The following AJAP1 variants were observed in gnomAD, a reference collection of about 807,000 sequenced individuals.
AJAP1 encodes adherens junction-associated protein 1.
AJAP1 carries 5 observed loss-of-function variants against 35.0 expected under a neutral mutation model. That is an observed-to-expected ratio of 0.14 (90% CI 0.07 to 0.30). The LOEUF (loss-of-function observed/expected upper bound fraction) is 0.30. Ranked by LOEUF, AJAP1 falls within the 10% of genes least tolerant of loss-of-function variation. The pLI is 1.00. For synonymous variants in AJAP1, 284 were observed against 249.3 expected, an observed-to-expected ratio of 1.14 and a Z score of -1.31; for missense variants, 586 against 571.0, an observed-to-expected ratio of 1.03 and a Z score of -0.27.
intron 2 of AJAP1, among the ~76,000 whole-genome samples, chr1:4,748,759 A>AGG (rs1557638402): frequency 1.3e-5 from 2 of 150,518 alleles, no homozygotes; most frequent in Non-Finnish European, 3.0e-5. Flanking sequence ...AAAAAAAAAA[A>AGG]AAAAAAAAAA....
At chr1:4,764,455 C>G (rs746913625) in intron 2 of AJAP1, among the ~76,000 whole-genome samples, 10 of 152,214 alleles carry the variant, frequency 6.6e-5, no homozygotes, top group Non-Finnish European at 1.5e-4. Context: ...CACCACTGGG[C>G]ACTGTGAGCT....
At chr1:4,726,313 A>G (rs1055083796) in intron 2 of AJAP1, among the ~76,000 whole-genome samples, 8 of 152,074 alleles carry the variant, frequency 5.3e-5, no homozygotes, top group African/African-American at 1.9e-4. Context: ...CTGGAAACTC[A>G]CAGTGGCCAG....
chr1:4,765,219 T>A (rs1301614289), intron 2 of AJAP1, among the ~76,000 whole-genome samples: 2 of 152,188 alleles, frequency 1.3e-5, no homozygotes, highest in East Asian at 3.9e-4. Context: ...AGTTTGAAGA[T>A]GTGATTCAGT....
chr1:4,658,270 A>G (rs1162267844), intron 1 of AJAP1, among the ~76,000 whole-genome samples: 1 of 152,034 alleles, frequency 6.6e-6, no homozygotes, highest in Non-Finnish European at 1.5e-5. Context: ...TCCCGCTCCA[A>G]GGTTCTGGGG....
At chr1:4,751,933 T>A (rs1570194849) in intron 2 of AJAP1, among the ~76,000 whole-genome samples, 1 of 151,928 alleles carries the variant, frequency 6.6e-6, no homozygotes, top group Admixed American at 6.5e-5. Context: ...GTGCACTGAG[T>A]CCCTGCCCAC....
Position 4,790,284 on chromosome 1 carries a change from A to C in AJAP1, c.*7799A>C, listed in dbSNP as rs1293834911. The C allele has an allele frequency of 6.6e-6, 1 of 152,206 alleles. No homozygotes were observed. Among genetic ancestry groups the C allele is most frequent in the Non-Finnish European group, 1.5e-5 (1 of 68,036 alleles). 9.4% of individuals were successfully genotyped at this position (152,206 alleles called of 1,614,324 possible). ...ATTCTCTATTATTTCTCTCACATAC[A>C]TGTGGATTTCTAATATCAAGTTATG... On this transcript the variant is annotated 3_prime_UTR_variant, in exon 6 of 6. Transcript: ENST00000378191.
rs969109058 is a variant in AJAP1, at chr1:4,661,190, A to G, written c.29+5736A>G. ...ACTGGGAGATACAATGGGCAGCTCT[A>G]TCAGATTTGTCTGTGAACTTCTGAG... On this transcript the variant is annotated intron_variant, in intron 1 of 5. Transcript: ENST00000378191. Among the ~76,000 whole-genome samples the G allele has an allele frequency of 3.9e-5, 6 of 152,216 alleles. No individual in the cohort carries two copies. The East Asian group carries it at 5.8e-4, about 15-fold the overall frequency.
At chr1:4,685,438 C>T (rs1460239216) in intron 1 of AJAP1, among the ~76,000 whole-genome samples, 1 of 152,234 alleles carries the variant, frequency 6.6e-6, no homozygotes, top group African/African-American at 2.4e-5. Context: ...ATGTCACTAC[C>T]TTCCTGAGGA....
At chr1:4,735,107 C>T (rs1640887766) in intron 2 of AJAP1, among the ~76,000 whole-genome samples, 1 of 152,234 alleles carries the variant, frequency 6.6e-6, no homozygotes, top group African/African-American at 2.4e-5. Context: ...GGCTTCTCTT[C>T]TACACCTGGG....
At chr1:4,740,643 G>A (rs995324498) in intron 2 of AJAP1, among the ~76,000 whole-genome samples, 3 of 151,586 alleles carry the variant, frequency 2.0e-5, no homozygotes, top group Admixed American at 1.3e-4. Context: ...AAAATTAGCC[G>A]GGTGTGGTGG....
At chr1:4,672,657 C>T (rs1639273711) in intron 1 of AJAP1, among the ~76,000 whole-genome samples, 1 of 152,156 alleles carries the variant, frequency 6.6e-6, no homozygotes, top group Non-Finnish European at 1.5e-5. Flanking sequence ...GCTCCACCGC[C>T]CTCCCAGTGT....
intron 2 of AJAP1, among the ~76,000 whole-genome samples, chr1:4,722,167 C>G (rs1320457415): frequency 6.6e-6 from 1 of 152,172 alleles, no homozygotes; most frequent in Non-Finnish European, 1.5e-5. Context: ...TTGATTTATT[C>G]GGTGGTTGCA....
chr1:4,664,568 G>T (rs1321173445), intron 1 of AJAP1, among the ~76,000 whole-genome samples: 1 of 152,184 alleles, frequency 6.6e-6, no homozygotes, highest in Non-Finnish European at 1.5e-5. Context: ...CAGCTGGGGG[G>T]CCCCGGTCAT....
intron 1 of AJAP1, among the ~76,000 whole-genome samples, chr1:4,673,228 T>G (rs1054642065): frequency 6.6e-6 from 1 of 151,782 alleles, no homozygotes; most frequent in Non-Finnish European, 1.5e-5. Context: ...GTTGGGGGGG[T>G]GTTTACACTC....
At chr1:4,774,717 G>A (rs1641909270) in intron 5 of AJAP1, among the ~76,000 whole-genome samples, 159 bp downstream of exon 5, 1 of 152,014 alleles carries the variant, frequency 6.6e-6, no homozygotes, top group African/African-American at 2.4e-5. Flanking sequence ...GGGGGGGGCT[G>A]GGCTTTTGAC....
chr1:4,776,227 G>A (rs1322284688), intron 5 of AJAP1, among the ~76,000 whole-genome samples: 1 of 152,170 alleles, frequency 6.6e-6, no homozygotes, highest in African/African-American at 2.4e-5. Flanking sequence ...TTTACAAGTG[G>A]GGAAACCGAG....
intron 1 of AJAP1, among the ~76,000 whole-genome samples, chr1:4,657,504 G>A (rs2100498999): frequency 6.6e-6 from 1 of 152,352 alleles, no homozygotes; most frequent in East Asian, 1.9e-4. Flanking sequence ...AGGGTTGCAA[G>A]TTCAAGGTCT....
In AJAP1 at chr1:4,782,470, G is replaced by A. The variant is rs1310109021; in HGVS notation, c.*60-75G>A. 5 of 298,296 alleles carry A rather than the reference G, an allele frequency of 1.7e-5. No individual in the cohort carries two copies. The highest frequency in any genetic ancestry group is 2.5e-5 in the Non-Finnish European group (4 of 162,812). 18.5% of individuals were successfully genotyped at this position (298,296 alleles called of 1,614,324 possible). On this transcript the variant is annotated intron_variant, in intron 5 of 5. Coordinates refer to ENST00000378191, the MANE Select transcript of AJAP1 (RefSeq NM_018836.4). This position sits in a 1 kb window ranked among gnomAD's most constrained non-coding sequence, Gnocchi z 5.3. Reference sequence around the variant, plus strand: ...GGTGCTGCGTGTGGGGGTCCCAGTCGACCGAGAACCCCACAGACTTGTCGC... The same window carrying A: ...GGTGCTGCGTGTGGGGGTCCCAGTCAACCGAGAACCCCACAGACTTGTCGC...
Position 4,692,140 on chromosome 1 carries a change from C to T in AJAP1, c.30-19760C>T, listed in dbSNP as rs544591487. Among the ~76,000 whole-genome samples the T allele has an allele frequency of 4.6e-5, 7 of 152,260 alleles. No individual in the cohort carries two copies. Among genetic ancestry groups the T allele is most frequent in the East Asian group, 3.9e-4 (2 of 5,160 alleles). On this transcript the variant is annotated intron_variant, in intron 1 of 5. Coordinates refer to ENST00000378191, the MANE Select transcript of AJAP1 (RefSeq NM_018836.4). This position sits in a 1 kb window ranked among gnomAD's most constrained non-coding sequence, Gnocchi z 4.4. ...GGATCTATTATCTCTGCATCGTTGC[C>T]GCCTTCTCGAGGGTTAGGAGTCAGC...
Sources: allele counts gnomAD v4.1 joint callset (sites outside exome capture counted in the v4.1 genomes callset), GRCh38; gene constraint gnomAD v4.1.1; non-coding constraint Gnocchi (gnomAD v3.1); transcripts MANE v1.5; gene names NCBI Gene and HGNC (gene_info 2026-07-23, HGNC 2026-07-21).